The following RBFOX3 variants were observed in gnomAD, a reference collection of about 807,000 sequenced individuals.
The protein encoded by RBFOX3 is RNA binding fox-1 homolog 3.
RBFOX3 carries 17 observed loss-of-function variants against 48.7 expected under a neutral mutation model. That is an observed-to-expected ratio of 0.35 (90% confidence interval 0.24 to 0.52). RBFOX3 has a LOEUF of 0.52. Ranked by LOEUF, RBFOX3 falls within the 20% of genes least tolerant of loss-of-function variation. The probability of loss-of-function intolerance (pLI) is 0.94; values close to 1 mark genes in which losing one functional copy is unlikely to be tolerated. For missense variants in RBFOX3, 382 were observed against 497.5 expected (o/e 0.77, Z 2.21); for synonymous variants, 212 against 209.5 (o/e 1.01, Z -0.10).
chr17:79,273,248 G>C (rs543448182), intron 3 of RBFOX3, among the ~76,000 whole-genome samples: 1 of 152,294 alleles, frequency 6.6e-6, no homozygotes, highest in African/African-American at 2.4e-5. Context: ...CCCCAGGAGT[G>C]ACGTCCACCA....
chr17:79,384,192 G>A (rs1189369577), intron 2 of RBFOX3, among the ~76,000 whole-genome samples: 4 of 152,206 alleles, frequency 2.6e-5, no homozygotes, highest in Non-Finnish European at 1.5e-5. Context: ...AAAACAAAGA[G>A]GGTTTCTGAG....
At chr17:79,520,326 C>A (rs1406999038) in intron 1 of RBFOX3, among the ~76,000 whole-genome samples, 1 of 152,220 alleles carries the variant, frequency 6.6e-6, no homozygotes, top group Non-Finnish European at 1.5e-5. Flanking sequence ...TGGGGACGTG[C>A]AGGGCAGCTG....
Position 79,485,322 on chromosome 17 carries a change from C to T in RBFOX3, c.-319-2724G>A, listed in dbSNP as rs1442453551. Among the ~76,000 whole-genome samples the T allele has an allele frequency of 2.0e-5, 3 of 152,184 alleles. No individual in the cohort carries two copies. In the East Asian group the frequency reaches 5.8e-4, roughly 29 times the overall value. The stretch of plus-strand genomic sequence containing the variant: ...CATCCCCTGGGGCCACATGGACACC[C>T]ATGCTGCCCAGCCTGGCAGCCAGTC... On this transcript the variant is annotated intron_variant, in intron 1 of 14. Coordinates refer to ENST00000693108, the MANE Select transcript of RBFOX3 (RefSeq NM_001350451.2).
chr17:79,619,632 G>A, the RBFOX3 span, among the ~76,000 whole-genome samples: 1 of 152,126 alleles, frequency 6.6e-6, no homozygotes, highest in Non-Finnish European at 1.5e-5. Context: ...GTTCTAGGTG[G>A]ACATGAACAG....
In RBFOX3 at chr17:79,437,308, G is replaced by A. The variant is rs535293221; in HGVS notation, c.-175+45146C>T. Among the ~76,000 whole-genome samples the A allele has an allele frequency of 2.6e-5, 4 of 152,340 alleles. No homozygotes were observed. In the South Asian group the frequency reaches 8.3e-4, roughly 32 times the overall value. On this transcript the variant is annotated intron_variant, in intron 2 of 14. Transcript: ENST00000693108. ...CCCATGCAAATATTGTCCGTTCCAAGCTCCAGCCGGGGAGGCCGGGTCCCC... is the reference window on the plus strand; with the variant it reads ...CCCATGCAAATATTGTCCGTTCCAAACTCCAGCCGGGGAGGCCGGGTCCCC...
intron 2 of RBFOX3, among the ~76,000 whole-genome samples, chr17:79,321,032 A>G (rs773240984): frequency 1.3e-5 from 2 of 152,218 alleles, no homozygotes; most frequent in Non-Finnish European, 2.9e-5. Context: ...CAAGGGTCCC[A>G]ACAGAGCAGA....
At chr17:79,306,767 G>A (rs745346366) in intron 3 of RBFOX3, among the ~76,000 whole-genome samples, 9 of 152,210 alleles carry the variant, frequency 5.9e-5, no homozygotes, top group East Asian at 3.9e-4. Flanking sequence ...TAGGCCTCCC[G>A]TGCCGGGTGT....
At chr17:79,188,888 G>A (rs1488893224) in intron 4 of RBFOX3, among the ~76,000 whole-genome samples, 1 of 152,252 alleles carries the variant, frequency 6.6e-6, no homozygotes, top group African/African-American at 2.4e-5. Flanking sequence ...GCTGCATCTG[G>A]GCCATGAGCT....
Position 79,242,833 on chromosome 17 carries a change from C to T in RBFOX3, c.-73-7028G>A, listed in dbSNP as rs2062586765. Among the ~76,000 whole-genome samples, 1 of 152,144 alleles carries T rather than the reference C, an allele frequency of 6.6e-6. No homozygotes were observed. Among genetic ancestry groups the T allele is most frequent in the African/African-American group, 2.4e-5 (1 of 41,426 alleles). ...TGCTCAGAGCAGTTTTGCCTCCTCT[C>T]CCAGGAAGCCCGGGCAGGGCTCCAC... On this transcript the variant is annotated intron_variant, in intron 3 of 14. Transcript: ENST00000693108. This position sits in a 1 kb window ranked among gnomAD's most constrained non-coding sequence, Gnocchi z 5.8.
At chr17:79,223,637 C>T (rs577789295) in intron 4 of RBFOX3, among the ~76,000 whole-genome samples, 4 of 152,256 alleles carry the variant, frequency 2.6e-5, no homozygotes, top group African/African-American at 7.2e-5. Context: ...GGAGAGGATG[C>T]GGCATCCTCT....
At chr17:79,507,222 C>T (rs995182280) in intron 1 of RBFOX3, among the ~76,000 whole-genome samples, 23 of 152,298 alleles carry the variant, frequency 1.5e-4, no homozygotes, top group Admixed American at 3.9e-4. Context: ...GGTACCTCTG[C>T]CATCCCATCA....
chr17:79,256,875 T>C (rs1834579049), intron 3 of RBFOX3, among the ~76,000 whole-genome samples: 1 of 151,838 alleles, frequency 6.6e-6, no homozygotes, highest in African/African-American at 2.4e-5. Flanking sequence ...TGAGCCGAGA[T>C]TGTGCCACTG....
intron 3 of RBFOX3, among the ~76,000 whole-genome samples, chr17:79,276,588 C>A (rs568748243): frequency 6.6e-6 from 1 of 151,912 alleles, no homozygotes; most frequent in Non-Finnish European, 1.5e-5. Flanking sequence ...GGGAGGCTGA[C>A]GCAGGAGAAT....
chr17:79,369,417 G>A (rs1395221322), intron 2 of RBFOX3, among the ~76,000 whole-genome samples: 2 of 152,058 alleles, frequency 1.3e-5, no homozygotes, highest in African/African-American at 2.4e-5. Context: ...CAAAGGACAC[G>A]CGTTTCGGAG....
intron 2 of RBFOX3, among the ~76,000 whole-genome samples, chr17:79,397,607 G>A (rs554999440): frequency 1.3e-5 from 2 of 151,912 alleles, no homozygotes; most frequent in South Asian, 2.1e-4. Flanking sequence ...TTTAAGCTTC[G>A]GGCCAGGTGA....
At chr17:79,585,105 G>T (rs897804044) in intron 1 of RBFOX3, among the ~76,000 whole-genome samples, 48 of 152,202 alleles carry the variant, frequency 3.2e-4, no homozygotes, top group African/African-American at 1.1e-3. Context: ...AGTGTGGGGG[G>T]TGGTGAGGGG....
At chr17:79,375,241 C>G (rs1304639591) in intron 2 of RBFOX3, among the ~76,000 whole-genome samples, 1 of 152,148 alleles carries the variant, frequency 6.6e-6, no homozygotes, top group Non-Finnish European at 1.5e-5. Flanking sequence ...GGCAGCTGGT[C>G]AACAAGCCTT....
the RBFOX3 span, among the ~76,000 whole-genome samples, chr17:79,617,540 G>A: frequency 6.6e-6 from 1 of 152,154 alleles, no homozygotes. Flanking sequence ...CCGTGGCCAA[G>A]TCCCTTTCTA....
chr17:79,476,824 G>A (rs1289577764), intron 2 of RBFOX3, among the ~76,000 whole-genome samples: 2 of 151,784 alleles, frequency 1.3e-5, no homozygotes, highest in East Asian at 3.9e-4. Flanking sequence ...CGGGGACAGA[G>A]AGAGACAGAC....
Sources: allele counts gnomAD v4.1 joint callset (sites outside exome capture counted in the v4.1 genomes callset), GRCh38; gene constraint gnomAD v4.1.1; non-coding constraint Gnocchi (gnomAD v3.1); transcripts MANE v1.5; gene names NCBI Gene and HGNC (gene_info 2026-07-23, HGNC 2026-07-21).